LOC128125817: variants seen among roughly 807,000 people sequenced by gnomAD.
At chr1:41,621,747 G>A in the LOC128125817 span, among the ~76,000 whole-genome samples, 5 of 152,036 alleles carry the variant, frequency 3.3e-5, no homozygotes, top group Non-Finnish European at 5.9e-5. Flanking sequence ...CAAACTCTCC[G>A]GCTCAGGTGA....
At chr1:41,589,864 T>C in the LOC128125817 span, among the ~76,000 whole-genome samples, 1 of 152,282 alleles carries the variant, frequency 6.6e-6, no homozygotes, top group East Asian at 1.9e-4. Context: ...GGTCAAAAAT[T>C]TTACTGGCAG....
the LOC128125817 span, among the ~76,000 whole-genome samples, chr1:41,609,707 C>T: frequency 6.6e-6 from 1 of 152,256 alleles, no homozygotes; most frequent in Non-Finnish European, 1.5e-5. Context: ...TGTGTTCCAG[C>T]CACATGGAGC....
the LOC128125817 span, among the ~76,000 whole-genome samples, chr1:41,626,758 G>C: frequency 5.0e-3 from 754 of 152,246 alleles, 2 homozygotes; most frequent in African/African-American, 0.017. Flanking sequence ...GCCGAGCCAG[G>C]GGCATGCTGG....
At chr1:41,585,969 C>T in the LOC128125817 span, among the ~76,000 whole-genome samples, 90 of 152,272 alleles carry the variant, frequency 5.9e-4, no homozygotes, top group African/African-American at 2.0e-3. Flanking sequence ...ATTGCTAACC[C>T]GCACCCCAGC....
the LOC128125817 span, among the ~76,000 whole-genome samples, chr1:41,600,603 T>G: frequency 1.5e-4 from 23 of 152,306 alleles, no homozygotes; most frequent in East Asian, 4.4e-3. Flanking sequence ...CTTTTCAGAA[T>G]GAAAAGTAAT....
chr1:41,625,701 C>T, the LOC128125817 span, among the ~76,000 whole-genome samples: 1 of 152,160 alleles, frequency 6.6e-6, no homozygotes, highest in South Asian at 2.1e-4. Flanking sequence ...CACCACTATA[C>T]TCTAGCCTGG....
chr1:41,587,750 C>T, the LOC128125817 span, among the ~76,000 whole-genome samples: 1 of 152,178 alleles, frequency 6.6e-6, no homozygotes, highest in Non-Finnish European at 1.5e-5. Context: ...CTGAAAATCA[C>T]ACGGGAATGG....
chr1:41,600,132 T>C, the LOC128125817 span, among the ~76,000 whole-genome samples: 1 of 152,192 alleles, frequency 6.6e-6, no homozygotes, highest in Non-Finnish European at 1.5e-5. Context: ...TGTAAAACGG[T>C]GCAGCCTCTA....
chr1:41,599,289 A>G, the LOC128125817 span, among the ~76,000 whole-genome samples: 1 of 152,342 alleles, frequency 6.6e-6, no homozygotes, highest in African/African-American at 2.4e-5. Context: ...CTGAATACAA[A>G]AGATTAAACA....
the LOC128125817 span, among the ~76,000 whole-genome samples, chr1:41,627,577 C>A: frequency 6.6e-6 from 1 of 152,304 alleles, no homozygotes; most frequent in Non-Finnish European, 1.5e-5. Context: ...ACCCCGAAGT[C>A]CAGGCAGCAA....
the LOC128125817 span, among the ~76,000 whole-genome samples, chr1:41,619,237 GCTC>G: frequency 6.6e-6 from 1 of 151,952 alleles, no homozygotes; most frequent in African/African-American, 2.4e-5. Flanking sequence ...CCCAGCACTT[GCTC>G]CTCGCCTCCC....
chr1:41,607,318 A>G, the LOC128125817 span, among the ~76,000 whole-genome samples: 290 of 152,314 alleles, frequency 1.9e-3, 1 homozygote, highest in African/African-American at 6.5e-3. Flanking sequence ...TCTTGGTTTT[A>G]ACATTGAAAT....
chr1:41,591,317 C>G, the LOC128125817 span, among the ~76,000 whole-genome samples: 1 of 152,090 alleles, frequency 6.6e-6, no homozygotes, highest in Non-Finnish European at 1.5e-5. Flanking sequence ...CACACTGACC[C>G]ACCAGGATAT....
chr1:41,599,606 C>T, the LOC128125817 span, among the ~76,000 whole-genome samples: 2 of 152,260 alleles, frequency 1.3e-5, no homozygotes, highest in Admixed American at 6.5e-5. Context: ...AAGACCTAAA[C>T]TCAGAGATAA....
the LOC128125817 span, among the ~76,000 whole-genome samples, chr1:41,594,521 C>T: frequency 2.0e-5 from 3 of 152,082 alleles, no homozygotes; most frequent in Admixed American, 6.6e-5. Flanking sequence ...CCCGCCTGGC[C>T]GATATCTTAT....
the LOC128125817 span, among the ~76,000 whole-genome samples, chr1:41,596,769 T>C: frequency 6.6e-6 from 1 of 152,206 alleles, no homozygotes; most frequent in Admixed American, 6.5e-5. Context: ...CCCTGAGTGC[T>C]GGCCAACATC....
the LOC128125817 span, among the ~76,000 whole-genome samples, chr1:41,586,820 T>C: frequency 6.6e-6 from 1 of 152,122 alleles, no homozygotes; most frequent in African/African-American, 2.4e-5. Flanking sequence ...TTCTACTTGG[T>C]GCTACAAAGA....
At chr1:41,603,616 T>TC in the LOC128125817 span, among the ~76,000 whole-genome samples, 1 of 152,200 alleles carries the variant, frequency 6.6e-6, no homozygotes, top group Non-Finnish European at 1.5e-5. Context: ...CACCTTGGCC[T>TC]CCCAAAGTGC....
At chr1:41,618,577 T>C in the LOC128125817 span, among the ~76,000 whole-genome samples, 2 of 151,930 alleles carry the variant, frequency 1.3e-5, no homozygotes. Context: ...TGGGTGCCCC[T>C]GTCCCGTTCT....
Sources: gnomAD v4.1 joint callset for allele counts (sites outside exome capture counted in the v4.1 genomes callset) on GRCh38, gnomAD v4.1.1 for gene constraint, MANE v1.5 for transcripts.